The following SCHIP1 variants were observed in gnomAD, a reference collection of about 807,000 sequenced individuals.
SCHIP1 encodes the protein schwannomin interacting protein 1, also known as schwannomin-interacting protein 1.
In SCHIP1, 8 loss-of-function variants were observed where a neutral mutation model predicts 29.7. The observed-to-expected ratio is 0.27, with a 90% CI of 0.16 to 0.49. The LOEUF is 0.49. Among genes scored for constraint, SCHIP1 ranks in the 20% least tolerant of loss-of-function variants. The pLI, the probability that SCHIP1 is intolerant of heterozygous loss-of-function variation, is 0.99. For synonymous variants in SCHIP1, 76 were observed against 94.9 expected (o/e 0.80, Z 1.16); for missense variants, 193 against 294.6 (o/e 0.66, Z 2.52).
chr3:159,889,011 T>C (rs1717228479), intron 5 of SCHIP1, 68 bp downstream of exon 6: 1 of 1,519,746 alleles, frequency 6.6e-7, no homozygotes, highest in African/African-American at 1.4e-5. Context: ...GCTGCTTCCT[T>C]GGTCCAACTT....
the SCHIP1 span, among the ~76,000 whole-genome samples, chr3:159,406,786 T>C: frequency 6.6e-6 from 1 of 152,214 alleles, no homozygotes; most frequent in Non-Finnish European, 1.5e-5. Flanking sequence ...ATTTTCACTT[T>C]GCTTGCTTGT....
chr3:159,713,203 A>G, the SCHIP1 span, among the ~76,000 whole-genome samples: 1 of 142,046 alleles, frequency 7.0e-6, no homozygotes, highest in African/African-American at 2.8e-5. Flanking sequence ...AGAGAAAGAA[A>G]GAAAGAGAGA....
At chr3:159,544,868 A>C in the SCHIP1 span, among the ~76,000 whole-genome samples, 1 of 152,096 alleles carries the variant, frequency 6.6e-6, no homozygotes, top group Non-Finnish European at 1.5e-5. Context: ...CAATGCTTCT[A>C]TCTTTTCATA....
the SCHIP1 span, among the ~76,000 whole-genome samples, chr3:159,693,766 T>A: frequency 6.6e-6 from 1 of 152,198 alleles, no homozygotes; most frequent in Non-Finnish European, 1.5e-5. Flanking sequence ...GTAGAAAAAT[T>A]CACCTAGAGC....
At chr3:159,300,089 T>C in the SCHIP1 span, among the ~76,000 whole-genome samples, 1 of 142,060 alleles carries the variant, frequency 7.0e-6, no homozygotes. Flanking sequence ...TTAATCTCAA[T>C]ATTCTGGCTC....
chr3:159,394,261 C>G, the SCHIP1 span, among the ~76,000 whole-genome samples: 94,181 of 149,718 alleles, frequency 0.63, 30,401 homozygotes, highest in East Asian at 0.74. Context: ...CGTCTGCAAA[C>G]AGGGACAATT....
the SCHIP1 span, among the ~76,000 whole-genome samples, chr3:159,586,126 A>G: frequency 6.6e-6 from 1 of 151,886 alleles, no homozygotes; most frequent in African/African-American, 2.4e-5. Context: ...GAGGATTTGC[A>G]ATTGGAAAAA....
At chr3:159,421,943 G>A in the SCHIP1 span, among the ~76,000 whole-genome samples, 10 of 152,052 alleles carry the variant, frequency 6.6e-5, no homozygotes, top group South Asian at 2.1e-4. Context: ...AAGAGAGGTC[G>A]GGGAAAGAAA....
the SCHIP1 span, among the ~76,000 whole-genome samples, chr3:159,697,153 A>G: frequency 1.3e-5 from 2 of 152,202 alleles, no homozygotes; most frequent in Non-Finnish European, 2.9e-5. Flanking sequence ...AGTGGGCTGG[A>G]CTAGATAGTA....
the SCHIP1 span, among the ~76,000 whole-genome samples, chr3:159,616,500 A>AG: frequency 0.013 from 2,047 of 152,312 alleles, 44 homozygotes; most frequent in African/African-American, 0.047. Context: ...GAAATTACCA[A>AG]GGAAATGATC....
chr3:159,628,309 C>T, the SCHIP1 span, among the ~76,000 whole-genome samples: 1 of 152,170 alleles, frequency 6.6e-6, no homozygotes, highest in Non-Finnish European at 1.5e-5. Context: ...AGGTTTGCTC[C>T]TGTCTGACAG....
the SCHIP1 span, among the ~76,000 whole-genome samples, chr3:159,520,101 A>T: frequency 6.6e-6 from 1 of 151,132 alleles, no homozygotes; most frequent in South Asian, 2.1e-4. Context: ...TCAAATAAAA[A>T]AAAAAAAAAA....
the SCHIP1 span, among the ~76,000 whole-genome samples, chr3:159,579,718 TA>T: frequency 6.6e-6 from 1 of 152,196 alleles, no homozygotes. Flanking sequence ...AGAATGGAAA[TA>T]AATTCAATCT....
At chr3:159,642,713 T>A in the SCHIP1 span, among the ~76,000 whole-genome samples, 1 of 152,036 alleles carries the variant, frequency 6.6e-6, no homozygotes, top group Non-Finnish European at 1.5e-5. Flanking sequence ...GGGACAGAGC[T>A]CCACATGCTC....
At chr3:159,881,114 C>T (rs1437265533) in intron 2 of SCHIP1, among the ~76,000 whole-genome samples, 2 of 152,162 alleles carry the variant, frequency 1.3e-5, no homozygotes, top group Non-Finnish European at 2.9e-5. Context: ...CACCATCACA[C>T]GTGCAGTACA....
the SCHIP1 span, among the ~76,000 whole-genome samples, chr3:159,404,625 T>C: frequency 2.0e-5 from 3 of 152,184 alleles, no homozygotes; most frequent in African/African-American, 4.8e-5. Context: ...AGTAGAATAG[T>C]GCACCAGGTA....
the SCHIP1 span, chr3:159,273,614 A>G: frequency 3.1e-6 from 4 of 1,300,934 alleles, 1 homozygote; most frequent in Admixed American, 7.3e-5. Flanking sequence ...ATACTTGAAG[A>G]TTTCTGCTCC....
the SCHIP1 span, among the ~76,000 whole-genome samples, chr3:159,444,707 A>G: frequency 6.6e-6 from 1 of 152,176 alleles, no homozygotes; most frequent in African/African-American, 2.4e-5. Context: ...ATGCAGAATG[A>G]GAGGTGGCAG....
chr3:159,479,908 CA>C, the SCHIP1 span, among the ~76,000 whole-genome samples: 2 of 152,174 alleles, frequency 1.3e-5, no homozygotes, highest in Non-Finnish European at 2.9e-5. Flanking sequence ...CATAACCTCA[CA>C]GTAATGAAGA....
Sources: allele counts gnomAD v4.1 joint callset (sites outside exome capture counted in the v4.1 genomes callset), GRCh38; gene constraint gnomAD v4.1.1; transcripts MANE v1.5; gene names NCBI Gene and HGNC (gene_info 2026-07-23, HGNC 2026-07-21).